Variants in FAAH2 observed in about 807,000 individuals in gnomAD.
The protein encoded by FAAH2 is fatty acid amide hydrolase 2, also known as fatty-acid amide hydrolase 2.
Under a neutral mutation model 36.9 loss-of-function variants are expected in FAAH2, and 60 were observed. The ratio of observed to expected loss-of-function variants is 1.63; its 90% CI spans 1.32 to 2.02. The LOEUF is 2.02. FAAH2 is among the 30% of genes most tolerant of loss of function. FAAH2 has a pLI of 0.00. For missense variants in FAAH2, 689 were observed against 397.5 expected (o/e 1.73, Z -6.23); for synonymous variants, 214 against 143.8 (o/e 1.49, Z -3.49).
intron 7 of FAAH2, among the ~76,000 whole-genome samples, chrX:57,399,294 G>C (rs1268667564): frequency 1.8e-5 from 2 of 111,587 alleles, no homozygotes; most frequent in Non-Finnish European, 3.8e-5. Flanking sequence ...GAAAAGGCCT[G>C]GTCCAGTAAA....
intron 7 of FAAH2, among the ~76,000 whole-genome samples, chrX:57,413,597 G>C (rs771467192): frequency 4.5e-5 from 5 of 111,497 alleles, no homozygotes; most frequent in Admixed American, 2.9e-4. Flanking sequence ...TTGGTACCAT[G>C]CTGTTTTGGT....
In FAAH2 at chrX:57,488,993, T is replaced by A. The variant is rs1021649656; in HGVS notation, c.*61T>A. ...TGTGTTCGTGTGGTGGTGTTTCTAT[T>A]AATTGGGTGAAATCAAGCACCAGCA... On this transcript the variant is annotated 3_prime_UTR_variant, in exon 11 of 11. Coordinates refer to ENST00000374900, the MANE Select transcript of FAAH2 (RefSeq NM_174912.4). 8.2e-5 allele frequency: 88 copies of A among 1,077,111 alleles called. No homozygotes were observed. The African/African-American group carries it at 1.5e-3, about 18-fold the overall frequency. The allele number at this position is 1,077,111 out of a possible 1,213,427, so 88.8% of individuals were successfully genotyped here. A position where few individuals can be genotyped will look rare whatever the true frequency, so the allele number is the denominator to read the frequency against.
chrX:57,369,136 A>G (rs993281437), intron 5 of FAAH2, among the ~76,000 whole-genome samples: 1 of 108,010 alleles, frequency 9.3e-6, no homozygotes, highest in African/African-American at 3.4e-5. Flanking sequence ...AAGAATTTTT[A>G]AACTTGAGGA....
At chrX:57,226,955 C>G in the FAAH2 span, among the ~76,000 whole-genome samples, 1 of 111,690 alleles carries the variant, frequency 9.0e-6, no homozygotes, top group Non-Finnish European at 1.9e-5. Context: ...TGAGACTTTC[C>G]AGAGCATCAC....
At chrX:57,308,750 C>T (rs1478557769) in intron 2 of FAAH2, among the ~76,000 whole-genome samples, 1 of 111,402 alleles carries the variant, frequency 9.0e-6, no homozygotes, top group African/African-American at 3.3e-5. Flanking sequence ...ATACACATGG[C>T]AGTAAAAAAT....
chrX:57,480,412 G>T (rs751995035), intron 10 of FAAH2, among the ~76,000 whole-genome samples: 73 of 111,894 alleles, frequency 6.5e-4, no homozygotes, highest in Non-Finnish European at 1.2e-3. Flanking sequence ...ACCTTCAGGT[G>T]CTCTTTTAAG....
the FAAH2 span, among the ~76,000 whole-genome samples, chrX:57,267,003 G>A: frequency 8.9e-6 from 1 of 111,798 alleles, no homozygotes; most frequent in Non-Finnish European, 1.9e-5. Flanking sequence ...TGGTCTGCTG[G>A]CCTCCTGGGG....
chrX:57,418,514 G>C (rs1376031260), intron 7 of FAAH2, among the ~76,000 whole-genome samples: 1 of 110,760 alleles, frequency 9.0e-6, no homozygotes. Context: ...CATCCCAGGT[G>C]AGGTGACACC....
chrX:57,289,077 T>A (rs1045741703), intron 1 of FAAH2, among the ~76,000 whole-genome samples: 2 of 112,316 alleles, frequency 1.8e-5, no homozygotes, highest in African/African-American at 6.5e-5. Context: ...TAGATTTTTG[T>A]AAATTGAATC....
chrX:57,441,441 G>A (rs1415849893), intron 8 of FAAH2, among the ~76,000 whole-genome samples: 2 of 110,692 alleles, frequency 1.8e-5, no homozygotes, highest in African/African-American at 6.6e-5. Context: ...TGGGATTGGT[G>A]GTGCTATACC....
At chrX:57,265,583 C>T in the FAAH2 span, among the ~76,000 whole-genome samples, 3 of 111,291 alleles carry the variant, frequency 2.7e-5, no homozygotes, top group Admixed American at 1.9e-4. Flanking sequence ...GGCCAGATTG[C>T]TTCTTTAATT....
the FAAH2 span, among the ~76,000 whole-genome samples, chrX:57,211,373 A>G: frequency 9.0e-6 from 1 of 111,158 alleles, no homozygotes. Flanking sequence ...CACCCATCAG[A>G]GACAGCATTT....
At chrX:57,412,306 G>C (rs2055718932) in intron 7 of FAAH2, among the ~76,000 whole-genome samples, 2 of 111,262 alleles carry the variant, frequency 1.8e-5, no homozygotes, top group Non-Finnish European at 3.8e-5. Context: ...ACATGCCATG[G>C]TGGTTTGCTG....
intron 2 of FAAH2, among the ~76,000 whole-genome samples, chrX:57,301,399 G>C (rs1344591078): frequency 9.9e-6 from 1 of 100,963 alleles, no homozygotes; most frequent in African/African-American, 3.7e-5. Context: ...ACTCATAGGT[G>C]GGAATTGAAC....
At chrX:57,347,447 C>G (rs1450297178) in intron 5 of FAAH2, among the ~76,000 whole-genome samples, 1 of 110,545 alleles carries the variant, frequency 9.0e-6, no homozygotes. Flanking sequence ...GCTGTTTCAT[C>G]TCTCAGTTCT....
intron 7 of FAAH2, among the ~76,000 whole-genome samples, chrX:57,391,184 G>A (rs1238733133): frequency 9.1e-6 from 1 of 109,411 alleles, no homozygotes; most frequent in Non-Finnish European, 1.9e-5. Flanking sequence ...TTTTTTTGTT[G>A]ATTTGTTTTG....
chrX:57,191,333 A>G, the FAAH2 span, among the ~76,000 whole-genome samples: 1 of 110,074 alleles, frequency 9.1e-6, no homozygotes, highest in Non-Finnish European at 1.9e-5. Flanking sequence ...TAAAAATTAT[A>G]TTATTATATT....
chrX:57,210,730 G>A, the FAAH2 span, among the ~76,000 whole-genome samples: 1 of 112,135 alleles, frequency 8.9e-6, no homozygotes, highest in Admixed American at 9.4e-5. Flanking sequence ...ATTGAAGATG[G>A]TACTGGAAGT....
chrX:57,393,482 G>T, intron 7 of FAAH2: 1 of 948,327 alleles, frequency 1.1e-6, no homozygotes, highest in Non-Finnish European at 1.5e-6. Context: ...AAGCTAGAGT[G>T]TGATCCGGTC....
Sources: gnomAD v4.1 joint callset for allele counts (sites outside exome capture counted in the v4.1 genomes callset) on GRCh38, gnomAD v4.1.1 for gene constraint, MANE v1.5 for transcripts, NCBI Gene and HGNC (gene_info 2026-07-23, HGNC 2026-07-21) for gene names.